Variants in RANBP2 observed in about 807,000 individuals in gnomAD.
RANBP2 encodes RAN binding protein 2, also known as E3 SUMO-protein ligase RanBP2.
RANBP2 carries 57 observed loss-of-function variants against 303.6 expected under a neutral mutation model. That is an observed-to-expected ratio of 0.19 (90% confidence interval 0.15 to 0.23). The LOEUF (loss-of-function observed/expected upper bound fraction) is 0.23. Among genes scored for constraint, RANBP2 ranks in the 10% least tolerant of loss-of-function variants. The probability of loss-of-function intolerance (pLI) is 1.00; values close to 1 mark genes in which losing one functional copy is unlikely to be tolerated. For synonymous variants in RANBP2, 1,167 were observed against 1,301.5 expected (o/e 0.90, Z 2.23); for missense variants, 3,138 against 3,780.8 (o/e 0.83, Z 4.46).
chr2:109,717,334 C>T, the RANBP2 span, among the ~76,000 whole-genome samples: 1 of 149,734 alleles, frequency 6.7e-6, no homozygotes, highest in African/African-American at 2.5e-5. Context: ...GTAATCCCAG[C>T]ACTTTGGGAG....
At chr2:108,969,991 G>T in the RANBP2 span, among the ~76,000 whole-genome samples, 1 of 152,206 alleles carries the variant, frequency 6.6e-6, no homozygotes, top group East Asian at 1.9e-4. Context: ...CTAATGGAGG[G>T]TCTAGCCAGC....
chr2:109,188,238 C>T, the RANBP2 span, among the ~76,000 whole-genome samples: 123,164 of 152,226 alleles, frequency 0.81, 49,956 homozygotes, highest in South Asian at 0.86. Flanking sequence ...GCAGGGGTGC[C>T]TCTGAAAACT....
the RANBP2 span, among the ~76,000 whole-genome samples, chr2:109,758,552 C>G: frequency 7.3e-6 from 1 of 136,898 alleles, no homozygotes; most frequent in Admixed American, 7.5e-5. Flanking sequence ...AGAATTTAAA[C>G]CAAGCTCTGC....
chr2:109,144,175 TAAA>T, the RANBP2 span, among the ~76,000 whole-genome samples: 4 of 152,228 alleles, frequency 2.6e-5, no homozygotes, highest in Non-Finnish European at 5.9e-5. Context: ...TGAACTTTGC[TAAA>T]AGAATAGATT....
rs1309065972 is a variant in RANBP2 at position 108,731,340 on chromosome 2, C to T, written c.271C>T (p.Pro91Ser). Reference sequence around the variant, plus strand: ...ATATTAGCGTTCAGTGGAATTAAACCCAACACAAAAAGATCTTGTGTTGAA... The same window carrying T: ...ATATTAGCGTTCAGTGGAATTAAACTCAACACAAAAAGATCTTGTGTTGAA... ...ECYRRSVELNPTQKDLVLKIA... is the reference protein window; with the variant it reads ...ECYRRSVELNSTQKDLVLKIA... Residue 91 changes from proline (P) to serine (S), a missense_variant, in exon 4 of 29, where the codon CCA becomes TCA. Around this residue, in one of 20 missense-constraint regions of RANBP2, gnomAD observed 306 missense variants for 381.9 expected, o/e 0.80. Coordinates refer to ENST00000283195, the MANE Select transcript of RANBP2 (RefSeq NM_006267.5). 3.7e-6 allele frequency: 6 copies of T among 1,610,906 alleles called. No individual in the cohort carries two copies. Among genetic ancestry groups the T allele is most frequent in the Non-Finnish European group, 5.1e-6 (6 of 1,179,418 alleles).
the RANBP2 span, chr2:109,616,205 T>C: frequency 7.6e-7 from 1 of 1,310,524 alleles, no homozygotes; most frequent in Non-Finnish European, 9.8e-7. Context: ...GGGGCGGAGT[T>C]CTCTTCAGGC....
chr2:108,763,275 G>A lies in RANBP2; in HGVS notation c.2736G>A (p.Gln912=), dbSNP rs1558917650. Residue 912 remains glutamine, a synonymous_variant, in exon 20 of 29, where the codon CAG becomes CAA. Coordinates refer to ENST00000283195, the MANE Select transcript of RANBP2 (RefSeq NM_006267.5). ...GCATGAATAGGCTTCCACCCCAACA[G>A]CATATTTATGCCTATCCGCAACAGA... ...VYGMNRLPPQ[Q]HIYAYPQQMH... The A allele has an allele frequency of 8.1e-6, 13 of 1,613,656 alleles. No homozygotes were observed. Among genetic ancestry groups the A allele is most frequent in the Non-Finnish European group, 1.0e-5 (12 of 1,179,942 alleles).
the RANBP2 span, among the ~76,000 whole-genome samples, chr2:109,279,600 C>T: frequency 3.9e-5 from 6 of 152,188 alleles, no homozygotes; most frequent in Non-Finnish European, 7.4e-5. Flanking sequence ...TTCAAGGAAA[C>T]GGGATACCTT....
chr2:109,331,192 C>T, the RANBP2 span, among the ~76,000 whole-genome samples: 1 of 152,288 alleles, frequency 6.6e-6, no homozygotes, highest in East Asian at 1.9e-4. Context: ...ATGGGGAATG[C>T]CGGGTGTCTT....
the RANBP2 span, among the ~76,000 whole-genome samples, chr2:109,681,742 T>C: frequency 6.6e-6 from 1 of 152,186 alleles, no homozygotes; most frequent in African/African-American, 2.4e-5. Context: ...GGAGGGCAAC[T>C]GGCCCCAACA....
the RANBP2 span, among the ~76,000 whole-genome samples, chr2:109,560,832 C>T: frequency 6.6e-6 from 1 of 152,102 alleles, no homozygotes; most frequent in Admixed American, 6.5e-5. Flanking sequence ...TAGCCTCCTG[C>T]TTTCTCACTT....
the RANBP2 span, among the ~76,000 whole-genome samples, chr2:109,729,594 G>A: frequency 6.6e-6 from 1 of 152,120 alleles, no homozygotes; most frequent in Non-Finnish European, 1.5e-5. Flanking sequence ...AGGTTGCAGT[G>A]AGCCGAAATC....
the RANBP2 span, among the ~76,000 whole-genome samples, chr2:109,245,123 C>G: frequency 6.6e-6 from 1 of 152,140 alleles, no homozygotes; most frequent in Admixed American, 6.5e-5. Context: ...AATGAGAGCC[C>G]CTCCACCATC....
the RANBP2 span, among the ~76,000 whole-genome samples, chr2:109,631,905 G>A: frequency 2.6e-5 from 4 of 152,072 alleles, no homozygotes; most frequent in African/African-American, 9.7e-5. Context: ...TAAGGTAAAG[G>A]TGGAACCCTA....
the RANBP2 span, among the ~76,000 whole-genome samples, chr2:108,877,491 A>G: frequency 7.2e-5 from 11 of 152,014 alleles, no homozygotes; most frequent in Non-Finnish European, 1.5e-4. Flanking sequence ...AATAAATAAA[A>G]TAAAAACGCA....
chr2:109,704,107 G>T, the RANBP2 span, among the ~76,000 whole-genome samples: 15,504 of 152,188 alleles, frequency 0.1, 920 homozygotes, highest in African/African-American at 0.17. Flanking sequence ...GAAACTATCA[G>T]GTCAGTCAGA....
the RANBP2 span, among the ~76,000 whole-genome samples, chr2:109,264,822 G>A: frequency 1.3e-5 from 2 of 152,244 alleles, no homozygotes; most frequent in Non-Finnish European, 2.9e-5. Flanking sequence ...GCACCCTCCT[G>A]AGGCTTTCTG....
the RANBP2 span, among the ~76,000 whole-genome samples, chr2:108,900,566 A>AT: frequency 1.3e-5 from 1 of 77,456 alleles, no homozygotes; most frequent in East Asian, 7.4e-4. Flanking sequence ...AAAAGAAAAA[A>AT]AAAAAAACAA....
At chr2:108,915,885 G>A in the RANBP2 span, among the ~76,000 whole-genome samples, 1 of 151,094 alleles carries the variant, frequency 6.6e-6, no homozygotes, top group Non-Finnish European at 1.5e-5. Flanking sequence ...CAACAAGAGC[G>A]AAACTCCATC....
Sources: allele counts gnomAD v4.1 joint callset (sites outside exome capture counted in the v4.1 genomes callset), GRCh38; gene constraint gnomAD v4.1.1; regional missense constraint gnomAD v4.1.1; transcripts MANE v1.5; gene names NCBI Gene and HGNC (gene_info 2026-07-23, HGNC 2026-07-21).